The following AAGAB variants were observed in gnomAD, a reference collection of about 807,000 sequenced individuals.
AAGAB encodes the protein alpha- and gamma-adaptin-binding protein p34.
AAGAB carries 38 observed loss-of-function variants against 44.1 expected under a neutral mutation model. The ratio of observed to expected loss-of-function variants is 0.86; its 90% CI spans 0.67 to 1.13. The LOEUF (loss-of-function observed/expected upper bound fraction) is 1.13, where lower values mean the gene tolerates loss of function less well. Among genes scored for constraint, AAGAB ranks in the 50% most tolerant of loss-of-function variants. The pLI is 0.00. For missense variants in AAGAB, 450 were observed against 373.8 expected, an observed-to-expected ratio of 1.20 and a Z score of -1.68; for synonymous variants, 131 against 131.8, an observed-to-expected ratio of 0.99 and a Z score of 0.04.
chr15:67,219,949 A>C, intron 5 of AAGAB, among the ~76,000 whole-genome samples: 1 of 152,186 alleles, frequency 6.6e-6, no homozygotes, highest in East Asian at 1.9e-4. Flanking sequence ...TCTGATATTA[A>C]GTAACAAAAA....
intron 1 of AAGAB, chr15:67,254,294 C>A: frequency 1.2e-5 from 11 of 882,340 alleles, no homozygotes; most frequent in Non-Finnish European, 1.7e-5. Flanking sequence ...CTCGCAAAAA[C>A]CTGTGGCCTG....
intron 1 of AAGAB, among the ~76,000 whole-genome samples, chr15:67,245,303 A>G (rs1596015987): frequency 6.6e-6 from 1 of 152,278 alleles, no homozygotes; most frequent in East Asian, 1.9e-4. Context: ...TGGTATATCC[A>G]TACAATGGAA....
chr15:67,254,721 AGGG>A (rs1965041338), upstream of AAGAB: 2 of 1,412,578 alleles, frequency 1.4e-6, no homozygotes, highest in Non-Finnish European at 2.0e-6. Context: ...CAGGCCGGAG[AGGG>A]CGTTCTCGGA....
chr15:67,219,390 T>G (rs188453159), intron 5 of AAGAB, among the ~76,000 whole-genome samples: 1 of 152,174 alleles, frequency 6.6e-6, no homozygotes, highest in East Asian at 1.9e-4. Context: ...CCATTCACAA[T>G]AGCAAAGATG....
intron 5 of AAGAB, among the ~76,000 whole-genome samples, chr15:67,211,562 C>T (rs1963820703): frequency 6.6e-6 from 1 of 152,250 alleles, no homozygotes; most frequent in Non-Finnish European, 1.5e-5. Context: ...ATGTAATACT[C>T]AGACACGGAT....
chr15:67,205,522 G>C (rs1442794157), intron 7 of AAGAB, among the ~76,000 whole-genome samples: 2 of 152,144 alleles, frequency 1.3e-5, no homozygotes, highest in East Asian at 3.8e-4. Context: ...GGTAAAGAAG[G>C]GTATCTACCA....
chr15:67,225,099 C>T (rs1365913258), intron 5 of AAGAB, among the ~76,000 whole-genome samples: 1 of 152,168 alleles, frequency 6.6e-6, no homozygotes, highest in Non-Finnish European at 1.5e-5. Context: ...CTGACACTCC[C>T]TTGGGTGAGG....
intron 5 of AAGAB, among the ~76,000 whole-genome samples, chr15:67,227,243 T>C (rs549965216): frequency 2.0e-5 from 3 of 152,144 alleles, no homozygotes; most frequent in Admixed American, 6.5e-5. Context: ...AAAGAATCAA[T>C]TGTGATTACA....
intron 1 of AAGAB, 107 bp downstream of exon 1, chr15:67,254,452 C>T: frequency 6.8e-7 from 1 of 1,464,998 alleles, no homozygotes; most frequent in Non-Finnish European, 9.1e-7. Flanking sequence ...GGAGGAAGAA[C>T]GCAGGGCCCG....
At chr15:67,223,193 C>A (rs1468260915) in intron 5 of AAGAB, among the ~76,000 whole-genome samples, 1 of 152,194 alleles carries the variant, frequency 6.6e-6, no homozygotes, top group African/African-American at 2.4e-5. Flanking sequence ...ACTGCATTCA[C>A]TCCCTTGGTG....
chr15:67,233,375 T>C (rs1964387045), intron 4 of AAGAB, among the ~76,000 whole-genome samples: 1 of 152,180 alleles, frequency 6.6e-6, no homozygotes, highest in Admixed American at 6.5e-5. Context: ...AATCCCATAG[T>C]GTACCAAAAA....
At chr15:67,213,739 A>C (rs1226582304) in intron 5 of AAGAB, among the ~76,000 whole-genome samples, 2 of 152,218 alleles carry the variant, frequency 1.3e-5, no homozygotes, top group Non-Finnish European at 2.9e-5. Context: ...TAGGTATAAC[A>C]ATATTTACCT....
intron 6 of AAGAB, 94 bp downstream of exon 6, chr15:67,209,368 T>C: frequency 9.1e-7 from 1 of 1,095,530 alleles, no homozygotes. Context: ...ACCTTTTAAA[T>C]GGAAAGGAAA....
chr15:67,219,242 A>T (rs1964015817), intron 5 of AAGAB, among the ~76,000 whole-genome samples: 2 of 152,202 alleles, frequency 1.3e-5, no homozygotes. Flanking sequence ...AATACTACAG[A>T]TACACTGTAT....
At chr15:67,207,049 G>A (rs1963700757) in intron 7 of AAGAB, among the ~76,000 whole-genome samples, 1 of 152,198 alleles carries the variant, frequency 6.6e-6, no homozygotes, top group African/African-American at 2.4e-5. Flanking sequence ...AATTAGCTGG[G>A]CGTGGTGGCA....
intron 5 of AAGAB, among the ~76,000 whole-genome samples, chr15:67,222,235 C>CGCGT (rs1555417845): frequency 9.5e-5 from 6 of 63,160 alleles, no homozygotes; most frequent in Non-Finnish European, 1.6e-4. Flanking sequence ...CGCGCACGCG[C>CGCGT]GCGCGCGCAC....
At chr15:67,219,417 G>A (rs1186293774) in intron 5 of AAGAB, among the ~76,000 whole-genome samples, 4 of 152,166 alleles carry the variant, frequency 2.6e-5, no homozygotes, top group African/African-American at 7.2e-5. Context: ...CAACCCAGGT[G>A]CCTATCAACG....
At chr15:67,221,132 T>C (rs868654699) in intron 5 of AAGAB, 3 of 152,216 alleles carry the variant, frequency 2.0e-5, no homozygotes, top group Admixed American at 1.3e-4. Flanking sequence ...CCCATCCCCT[T>C]GGTCATTTCA....
At chr15:67,224,615 C>A (rs1442356388) in intron 5 of AAGAB, among the ~76,000 whole-genome samples, 3 of 144,072 alleles carry the variant, frequency 2.1e-5, no homozygotes, top group Admixed American at 1.5e-4. Context: ...CAGTCTCACT[C>A]TGTTGCCCAG....
Sources: allele counts gnomAD v4.1 joint callset (sites outside exome capture counted in the v4.1 genomes callset), GRCh38; gene constraint gnomAD v4.1.1; transcripts MANE v1.5; gene names NCBI Gene and HGNC (gene_info 2026-07-23, HGNC 2026-07-21).